CDH20: variants seen among roughly 807,000 people sequenced by gnomAD.
CDH20 encodes the protein cadherin 20.
A neutral mutation model predicts 74.2 loss-of-function variants in CDH20; 29 were observed. That is an observed-to-expected ratio of 0.39 (90% confidence interval 0.29 to 0.53). The LOEUF is 0.53. Ranked by LOEUF, CDH20 falls within the 20% of genes least tolerant of loss-of-function variation. The probability of loss-of-function intolerance (pLI) is 0.69; values close to 1 mark genes in which losing one functional copy is unlikely to be tolerated. For missense variants in CDH20, 988 were observed against 1,048.3 expected (o/e 0.94, Z 0.79); for synonymous variants, 469 against 405.4 (o/e 1.16, Z -1.88).
At chr18:61,422,355 A>G (rs1294696173) in intron 1 of CDH20, among the ~76,000 whole-genome samples, 2 of 152,184 alleles carry the variant, frequency 1.3e-5, no homozygotes. Flanking sequence ...CCACATTGGC[A>G]TCTTCTGTCT....
At chr18:61,425,587 A>C in intron 1 of CDH20, among the ~76,000 whole-genome samples, 1 of 152,226 alleles carries the variant, frequency 6.6e-6, no homozygotes, top group East Asian at 1.9e-4. Context: ...CATTATTCTA[A>C]GTGAAGTAAC....
intron 1 of CDH20, among the ~76,000 whole-genome samples, chr18:61,414,158 G>A (rs1912608226): frequency 6.6e-6 from 1 of 152,112 alleles, no homozygotes; most frequent in African/African-American, 2.4e-5. Flanking sequence ...AAATGTCGAT[G>A]TGGTTGGTAC....
chr18:61,492,409 T>C (rs990428468), intron 2 of CDH20, among the ~76,000 whole-genome samples: 5 of 152,124 alleles, frequency 3.3e-5, no homozygotes, highest in African/African-American at 1.2e-4. Flanking sequence ...CCATCTGTTC[T>C]CCACCATGGT....
Position 61,554,378 on chromosome 18 carries a change from A to C in CDH20, c.2089A>C (p.Thr697Pro), listed in dbSNP as rs1913548270. 3 of 1,612,748 alleles carry C rather than the reference A, an allele frequency of 1.9e-6. No individual in the cohort carries two copies. The highest frequency in any genetic ancestry group is 1.1e-5 in the South Asian group (1 of 91,022). The change falls in exon 12 of 12, where the codon ACG becomes CCG. Residue 697 changes from threonine (T) to proline (P), a missense_variant. Thr to Pro is a conservative substitution (Grantham distance 38). Coordinates refer to ENST00000262717, the MANE Select transcript of CDH20 (RefSeq NM_031891.4). ...GGCGCAGGCGGGGGCCGCCCCCAAG[A>C]CGCGGCAGGACATGCTGCCCGAGAT... is the stretch of plus-strand genomic sequence containing the variant. ...REAQAGAAPK[T>P]RQDMLPEIES... is the part of the protein sequence containing the mutation.
chr18:61,396,801 C>G (rs61265784), intron 1 of CDH20, among the ~76,000 whole-genome samples: 1 of 152,356 alleles, frequency 6.6e-6, no homozygotes, highest in African/African-American at 2.4e-5. Flanking sequence ...CCCCAGCAAA[C>G]AGCAACTCTG....
intron 1 of CDH20, among the ~76,000 whole-genome samples, chr18:61,382,898 T>A (rs1000602518): frequency 3.9e-5 from 6 of 152,032 alleles, no homozygotes; most frequent in African/African-American, 1.5e-4. Flanking sequence ...GGAAAGAATA[T>A]AATATGGTGG....
intron 1 of CDH20, among the ~76,000 whole-genome samples, chr18:61,365,595 C>T (rs572437044): frequency 1.8e-4 from 27 of 152,022 alleles, no homozygotes; most frequent in African/African-American, 3.6e-4. Context: ...AACCCCCTTC[C>T]GCTTTTTTTT....
At chr18:61,530,332 T>TTTC (rs1371912583) in intron 7 of CDH20, among the ~76,000 whole-genome samples, 2 of 152,210 alleles carry the variant, frequency 1.3e-5, no homozygotes, top group African/African-American at 2.4e-5. Flanking sequence ...TGGGAATTCC[T>TTTC]TTCTTCTGTT....
chr18:61,491,882 T>A (rs1568162118), intron 2 of CDH20, among the ~76,000 whole-genome samples: 1 of 152,020 alleles, frequency 6.6e-6, no homozygotes, highest in Non-Finnish European at 1.5e-5. Context: ...TTTTTCCTTC[T>A]TTTTTCTCAG....
At chr18:61,400,357 G>A (rs1912117044) in intron 1 of CDH20, among the ~76,000 whole-genome samples, 3 of 152,164 alleles carry the variant, frequency 2.0e-5, no homozygotes, top group Non-Finnish European at 4.4e-5. Context: ...TTAACTTGGG[G>A]GCAGATGTGA....
At chr18:61,497,699 T>G (rs1405625984) in intron 2 of CDH20, among the ~76,000 whole-genome samples, 1 of 152,194 alleles carries the variant, frequency 6.6e-6, no homozygotes, top group Non-Finnish European at 1.5e-5. Flanking sequence ...GAATAAGTAT[T>G]AGTGCTGTCC....
intron 1 of CDH20, among the ~76,000 whole-genome samples, chr18:61,380,064 G>A (rs1911382842): frequency 6.6e-6 from 1 of 152,172 alleles, no homozygotes; most frequent in African/African-American, 2.4e-5. Flanking sequence ...CATTTGCTCT[G>A]ACAAGACTGT....
At chr18:61,422,768 T>G in intron 1 of CDH20, among the ~76,000 whole-genome samples, 1 of 150,952 alleles carries the variant, frequency 6.6e-6, no homozygotes, top group South Asian at 2.1e-4. Flanking sequence ...AAAATATATT[T>G]ATAAATATAT....
intron 6 of CDH20, among the ~76,000 whole-genome samples, chr18:61,520,582 A>G (rs992895956): frequency 7.3e-6 from 1 of 137,376 alleles, no homozygotes; most frequent in Non-Finnish European, 1.5e-5. Flanking sequence ...CTCTGGACCA[A>G]GCAGACCTAA....
chr18:61,440,802 G>C (rs143434588), intron 1 of CDH20, among the ~76,000 whole-genome samples: 1 of 152,142 alleles, frequency 6.6e-6, no homozygotes, highest in Non-Finnish European at 1.5e-5. Flanking sequence ...AACATGGGAT[G>C]GGGGAAGGGC....
At chr18:61,416,469 G>C (rs1912688079) in intron 1 of CDH20, among the ~76,000 whole-genome samples, 1 of 152,160 alleles carries the variant, frequency 6.6e-6, no homozygotes, top group African/African-American at 2.4e-5. Context: ...CTTAGAAATG[G>C]CAGCATCATG....
rs144262089 is a variant in CDH20 at position 61,343,642 on chromosome 18, G to A, written c.-153+9815G>A. 1.1e-3 allele frequency among the ~76,000 whole-genome samples: 174 copies of A among 152,270 alleles called. 2 individuals are homozygous for A. Among genetic ancestry groups the A allele is most frequent in the African/African-American group, 3.9e-3 (162 of 41,558 alleles). On this transcript the variant is annotated intron_variant, in intron 1 of 11. Coordinates refer to ENST00000262717, the MANE Select transcript of CDH20 (RefSeq NM_031891.4). ...TGTGTAGAAAGTAGCCACTGGCCAG[G>A]AAAGGGCTCAACAACATGCCTTCCA...
chr18:61,409,344 C>T (rs1042683854), intron 1 of CDH20, among the ~76,000 whole-genome samples: 2 of 152,136 alleles, frequency 1.3e-5, no homozygotes, highest in Non-Finnish European at 2.9e-5. Flanking sequence ...GGGACAGGCA[C>T]CTGTTTCTGT....
At chr18:61,520,863 A>G (rs1912179746) in intron 6 of CDH20, among the ~76,000 whole-genome samples, 1 of 151,270 alleles carries the variant, frequency 6.6e-6, no homozygotes, top group Non-Finnish European at 1.5e-5. Context: ...AAATTAAGGC[A>G]GAAATAAGCT....
Sources: allele counts gnomAD v4.1 joint callset (sites outside exome capture counted in the v4.1 genomes callset), GRCh38; gene constraint gnomAD v4.1.1; transcripts MANE v1.5; gene names NCBI Gene and HGNC (gene_info 2026-07-23, HGNC 2026-07-21).